Variants in CLYBL observed in about 807,000 individuals in gnomAD.
The protein encoded by CLYBL is citramalyl-CoA lyase.
A neutral mutation model predicts 38.9 loss-of-function variants in CLYBL; 31 were observed. That is an observed-to-expected ratio of 0.80 (90% CI 0.60 to 1.08). The LOEUF is 1.08. CLYBL is among the 50% of genes least tolerant of loss of function. CLYBL has a pLI of 0.00. For missense variants in CLYBL, 434 were observed against 411.6 expected (o/e 1.05, Z -0.47); for synonymous variants, 171 against 158.6 (o/e 1.08, Z -0.59).
intron 1 of CLYBL, among the ~76,000 whole-genome samples, chr13:99,616,578 A>G (rs1447667235): frequency 6.6e-6 from 1 of 152,196 alleles, no homozygotes; most frequent in Non-Finnish European, 1.5e-5. Context: ...GTAAGTGGCC[A>G]TGAACCTCTT....
intron 1 of CLYBL, among the ~76,000 whole-genome samples, chr13:99,663,434 C>T (rs2047436879): frequency 6.6e-6 from 1 of 152,160 alleles, no homozygotes; most frequent in Non-Finnish European, 1.5e-5. Context: ...CTGCCCATCC[C>T]CATCCCATGT....
chr13:99,820,301 A>C (rs1172005533), intron 2 of CLYBL, among the ~76,000 whole-genome samples: 1 of 151,866 alleles, frequency 6.6e-6, no homozygotes, highest in Non-Finnish European at 1.5e-5. Flanking sequence ...GGGGTCCTGC[A>C]CTCCCGTGCA....
intron 1 of CLYBL, among the ~76,000 whole-genome samples, chr13:99,748,075 T>A (rs928377347): frequency 6.6e-6 from 1 of 152,164 alleles, no homozygotes; most frequent in African/African-American, 2.4e-5. Flanking sequence ...ACTGAAACTA[T>A]ACCCATTAGA....
intron 1 of CLYBL, among the ~76,000 whole-genome samples, chr13:99,686,512 C>CAGAGAG (rs34750084): frequency 4.7e-5 from 7 of 150,216 alleles, no homozygotes; most frequent in African/African-American, 1.7e-4. Context: ...TTTGTTTCAA[C>CAGAGAG]AGAGAGAGAG....
At chr13:99,674,346 T>G (rs974389327) in intron 1 of CLYBL, among the ~76,000 whole-genome samples, 1 of 151,680 alleles carries the variant, frequency 6.6e-6, no homozygotes, top group Non-Finnish European at 1.5e-5. Flanking sequence ...AAGACAGGGG[T>G]TCACCATGTT....
chr13:99,670,184 G>A (rs1219047419), intron 1 of CLYBL, among the ~76,000 whole-genome samples: 1 of 152,016 alleles, frequency 6.6e-6, no homozygotes, highest in African/African-American at 2.4e-5. Context: ...GGGTGACAGA[G>A]CAAAACTCCA....
intron 1 of CLYBL, among the ~76,000 whole-genome samples, chr13:99,622,176 CCCCA>C (rs2046808571): frequency 1.3e-5 from 2 of 152,216 alleles, no homozygotes; most frequent in Non-Finnish European, 2.9e-5. Flanking sequence ...ATTACGTTGG[CCCCA>C]CCTGGATAAC....
chr13:99,617,447 T>G (rs1410479354), intron 1 of CLYBL, among the ~76,000 whole-genome samples: 1 of 152,218 alleles, frequency 6.6e-6, no homozygotes, highest in African/African-American at 2.4e-5. Context: ...AGTCTCACAG[T>G]ATTCTTTGTG....
At chr13:99,904,958 C>T (rs1030279807) in intron 8 of CLYBL, among the ~76,000 whole-genome samples, 4 of 152,198 alleles carry the variant, frequency 2.6e-5, no homozygotes, top group Non-Finnish European at 2.9e-5. Flanking sequence ...CAGCTTTTCC[C>T]ACCCTGCCTC....
In CLYBL at chr13:99,637,449, G is replaced by A. The variant is rs532767277; in HGVS notation, c.62+30692G>A. 1.8e-4 allele frequency among the ~76,000 whole-genome samples: 27 copies of A among 152,278 alleles called. No homozygotes were observed. The South Asian group carries it at 5.2e-3, about 29-fold the overall frequency. On this transcript the variant is annotated intron_variant, in intron 1 of 8. Transcript: ENST00000339105. ...GTGAAATGTGGTAAAGAAGAAAAAA[G>A]TTGCCACAGAATGTAATTTTTAAAA...
chr13:99,747,089 A>G (rs1027529077), intron 1 of CLYBL, among the ~76,000 whole-genome samples: 1 of 152,164 alleles, frequency 6.6e-6, no homozygotes, highest in Non-Finnish European at 1.5e-5. Flanking sequence ...TTCTCTCACC[A>G]AAAGTAGAGC....
At chr13:99,634,552 C>G (rs1342273088) in intron 1 of CLYBL, among the ~76,000 whole-genome samples, 1 of 151,910 alleles carries the variant, frequency 6.6e-6, no homozygotes, top group Non-Finnish European at 1.5e-5. Context: ...ATAACCTTCC[C>G]CGTGGAAAAG....
intron 1 of CLYBL, among the ~76,000 whole-genome samples, chr13:99,668,596 A>AG (rs368923649): frequency 0.077 from 11,615 of 150,118 alleles, 521 homozygotes; most frequent in Middle Eastern, 0.11. Flanking sequence ...AAAAAAAAAA[A>AG]AAAGAAAAAA....
intron 1 of CLYBL, among the ~76,000 whole-genome samples, chr13:99,688,239 T>G (rs2047846938): frequency 6.6e-6 from 1 of 152,222 alleles, no homozygotes; most frequent in South Asian, 2.1e-4. Context: ...TTTTTTTGGT[T>G]TCCAGATCTG....
At chr13:99,827,836 C>T (rs539868057) in intron 2 of CLYBL, among the ~76,000 whole-genome samples, 2 of 152,344 alleles carry the variant, frequency 1.3e-5, no homozygotes, top group Admixed American at 6.5e-5. Context: ...CCCATGCTAG[C>T]GTGCCTACCC....
At chr13:99,703,510 T>C (rs974944071) in intron 1 of CLYBL, among the ~76,000 whole-genome samples, 5 of 152,026 alleles carry the variant, frequency 3.3e-5, no homozygotes, top group Non-Finnish European at 7.4e-5. Flanking sequence ...GCTGGGACTA[T>C]AGGCACATGC....
At position 99,634,887 on chromosome 13, in the gene CLYBL, C is replaced by A. The variant is rs533521518; in HGVS notation, c.62+28130C>A. 7.2e-5 allele frequency among the ~76,000 whole-genome samples: 11 copies of A among 152,294 alleles called. No individual in the cohort carries two copies. The East Asian group carries it at 1.5e-3, about 21-fold the overall frequency. On this transcript the variant is annotated intron_variant, in intron 1 of 8. Transcript: ENST00000339105. ...GGAGGTATCAGATCGCGCTCTCTGG[C>A]CTTGGGCACCTTCTTTCCATTGCTA...
intron 1 of CLYBL, among the ~76,000 whole-genome samples, chr13:99,735,046 C>G (rs1354181650): frequency 2.0e-5 from 3 of 152,222 alleles, no homozygotes; most frequent in Non-Finnish European, 2.9e-5. Flanking sequence ...GCAGTATTTA[C>G]TATCTGGCCC....
At chr13:99,703,225 C>G (rs1374109881) in intron 1 of CLYBL, among the ~76,000 whole-genome samples, 1 of 152,240 alleles carries the variant, frequency 6.6e-6, no homozygotes, top group Non-Finnish European at 1.5e-5. Context: ...GAGGCCAAAG[C>G]AGGCGATCAG....
Sources: allele counts gnomAD v4.1 joint callset (sites outside exome capture counted in the v4.1 genomes callset), GRCh38; gene constraint gnomAD v4.1.1; transcripts MANE v1.5; gene names NCBI Gene and HGNC (gene_info 2026-07-23, HGNC 2026-07-21).